The following PDE1C variants were observed in gnomAD, a reference collection of about 807,000 sequenced individuals.
PDE1C encodes phosphodiesterase 1C, also known as dual specificity calcium/calmodulin-dependent 3',5'-cyclic nucleotide phosphodiesterase 1C.
A neutral mutation model predicts 93.1 loss-of-function variants in PDE1C; 62 were observed. The ratio of observed to expected loss-of-function variants is 0.67; its 90% CI spans 0.54 to 0.82. The LOEUF (loss-of-function observed/expected upper bound fraction) is 0.82, where lower values mean the gene tolerates loss of function less well. Among genes scored for constraint, PDE1C ranks in the 40% least tolerant of loss-of-function variants. PDE1C has a pLI of 0.00. For synonymous variants in PDE1C, 325 were observed against 310.1 expected (o/e 1.05, Z -0.50); for missense variants, 742 against 884.6 (o/e 0.84, Z 2.04).
intron 11 of PDE1C, among the ~76,000 whole-genome samples, chr7:31,831,059 C>T (rs1182886466): frequency 6.6e-6 from 1 of 152,074 alleles, no homozygotes; most frequent in Non-Finnish European, 1.5e-5. Context: ...GCAAGAGCTT[C>T]CAAAGACATT....
chr7:32,341,376 C>T (rs1283640403), intron 1 of PDE1C, among the ~76,000 whole-genome samples: 5 of 150,030 alleles, frequency 3.3e-5, no homozygotes, highest in African/African-American at 7.4e-5. Context: ...GGGGTTTCAC[C>T]GTGTTAGCCA....
rs149182702 is a variant in PDE1C at position 32,058,270 on chromosome 7, A to T, written c.102-6690T>A. The stretch of plus-strand genomic sequence containing the variant: ...GAGACCACTACCACCGCCGACACAC[A>T]GACCGCTTCGGAAAGCTTGGTTCTC... On this transcript the variant is annotated intron_variant, in intron 1 of 17. Transcript: ENST00000396191. Among the ~76,000 whole-genome samples, 3 of 152,332 alleles carry T rather than the reference A, an allele frequency of 2.0e-5. No individual in the cohort carries two copies. The East Asian group carries it at 5.8e-4, about 29-fold the overall frequency.
chr7:32,291,110 G>C (rs1812304218), intron 1 of PDE1C, among the ~76,000 whole-genome samples: 1 of 152,148 alleles, frequency 6.6e-6, no homozygotes, highest in African/African-American at 2.4e-5. Flanking sequence ...TAGGAGGTAG[G>C]TAATATAATT....
chr7:31,690,867 T>C, the PDE1C span, among the ~76,000 whole-genome samples: 1 of 152,212 alleles, frequency 6.6e-6, no homozygotes, highest in Non-Finnish European at 1.5e-5. Flanking sequence ...TTCTGAGGAA[T>C]GAATATTTTC....
chr7:31,643,468 C>G, the PDE1C span: 1 of 1,614,024 alleles, frequency 6.2e-7, no homozygotes, highest in Non-Finnish European at 8.5e-7. Context: ...AAACCTTCCT[C>G]TAAATACTGG....
chr7:32,398,411 CAG>C (rs1784879592), intron 1 of PDE1C, among the ~76,000 whole-genome samples: 1 of 150,492 alleles, frequency 6.6e-6, no homozygotes, highest in Non-Finnish European at 1.5e-5. Context: ...TCTTTTGAGA[CAG>C]AGTCTTGCTC....
intron 1 of PDE1C, among the ~76,000 whole-genome samples, chr7:32,384,844 T>C (rs177366): frequency 0.75 from 114,294 of 152,182 alleles, 44,897 homozygotes; most frequent in East Asian, 0.96. Context: ...CTGAGACCCA[T>C]GAAAATGGGA....
In PDE1C at chr7:32,095,037, G is replaced by T. The variant is rs537817033; in HGVS notation, c.308+74748C>A. ...CTGCATATCTTTCCACTAATTTATG[G>T]TCCTTATTTCTATAGAAAGTAATGT... On this transcript the variant is annotated intron_variant, in intron 3 of 18. Transcript: ENST00000396193. Among the ~76,000 whole-genome samples the T allele has an allele frequency of 2.6e-5, 4 of 152,164 alleles. No homozygotes were observed. The South Asian group carries it at 8.3e-4, about 32-fold the overall frequency.
chr7:32,095,783 G>A (rs147159341), intron 3 of PDE1C, among the ~76,000 whole-genome samples: 71 of 152,208 alleles, frequency 4.7e-4, no homozygotes, highest in African/African-American at 1.3e-3. Context: ...ATCCTTACGC[G>A]ATGTGAATAT....
At chr7:32,307,037 C>T (rs1019661186) in intron 1 of PDE1C, among the ~76,000 whole-genome samples, 3 of 152,184 alleles carry the variant, frequency 2.0e-5, no homozygotes, top group African/African-American at 7.2e-5. Flanking sequence ...CTCTGACTTC[C>T]TGGAGAGGAT....
At chr7:31,771,963 G>A (rs1333975027) in intron 17 of PDE1C, among the ~76,000 whole-genome samples, 9 of 151,060 alleles carry the variant, frequency 6.0e-5, no homozygotes, top group South Asian at 2.1e-4. Flanking sequence ...GCAGAATGGC[G>A]TGAACCTGGG....
At chr7:32,262,726 G>T (rs7357136) in intron 1 of PDE1C, among the ~76,000 whole-genome samples, 17,833 of 152,246 alleles carry the variant, frequency 0.12, 1,203 homozygotes, top group African/African-American at 0.16. Context: ...TGTGAGCTTT[G>T]GGAAGGGGGA....
chr7:32,371,998 G>T (rs868488505), intron 1 of PDE1C, among the ~76,000 whole-genome samples: 1 of 150,962 alleles, frequency 6.6e-6, no homozygotes, highest in African/African-American at 2.4e-5. Context: ...ACACATAGGT[G>T]AATGGACTAG....
At chr7:32,267,137 C>T (rs1443915107) in intron 1 of PDE1C, among the ~76,000 whole-genome samples, 1 of 152,220 alleles carries the variant, frequency 6.6e-6, no homozygotes, top group Non-Finnish European at 1.5e-5. Context: ...CAGCGGCGGC[C>T]CCTGGCCAAT....
upstream of PDE1C, among the ~76,000 whole-genome samples, chr7:32,074,404 A>G (rs1796237034): frequency 6.6e-6 from 1 of 152,224 alleles, no homozygotes; most frequent in Non-Finnish European, 1.5e-5. Context: ...TTCATCCCCA[A>G]CAAAATACTT....
chr7:31,649,651 TTAGGGCC>T, the PDE1C span, among the ~76,000 whole-genome samples: 22 of 152,284 alleles, frequency 1.4e-4, no homozygotes, highest in South Asian at 4.4e-3. Flanking sequence ...AGAGATGGCT[TTAGGGCC>T]TAACAAGCAT....
At chr7:32,036,190 G>A (rs181131217) in intron 2 of PDE1C, among the ~76,000 whole-genome samples, 49 of 152,272 alleles carry the variant, frequency 3.2e-4, no homozygotes, top group African/African-American at 1.0e-3. Flanking sequence ...CAAGAAACAA[G>A]GATGAAGGAA....
the PDE1C span, among the ~76,000 whole-genome samples, chr7:31,702,638 C>T: frequency 6.6e-6 from 1 of 152,178 alleles, no homozygotes; most frequent in African/African-American, 2.4e-5. Context: ...TGTCTTTATT[C>T]TTCTTGTTGC....
intron 1 of PDE1C, among the ~76,000 whole-genome samples, chr7:32,372,375 A>C (rs1194498259): frequency 6.6e-6 from 1 of 152,264 alleles, no homozygotes; most frequent in East Asian, 1.9e-4. Flanking sequence ...AAGGGTACCA[A>C]GACAATTCAA....
Sources: allele counts gnomAD v4.1 joint callset (sites outside exome capture counted in the v4.1 genomes callset), GRCh38; gene constraint gnomAD v4.1.1; transcripts MANE v1.5; gene names NCBI Gene and HGNC (gene_info 2026-07-23, HGNC 2026-07-21).